Variants in IL1R2 observed in about 807,000 individuals in gnomAD.
IL1R2 encodes the protein interleukin 1 receptor type 2.
In IL1R2, 46 loss-of-function variants were observed where a neutral mutation model predicts 39.5. The ratio of observed to expected loss-of-function variants is 1.16; its 90% CI spans 0.92 to 1.49. The LOEUF (loss-of-function observed/expected upper bound fraction) is 1.49, where lower values mean the gene tolerates loss of function less well. Ranked by LOEUF, IL1R2 falls within the 40% of genes most tolerant of loss-of-function variation. The pLI is 0.00. For missense variants in IL1R2, 537 were observed against 502.0 expected, an observed-to-expected ratio of 1.07 and a Z score of -0.67; for synonymous variants, 207 against 189.6, an observed-to-expected ratio of 1.09 and a Z score of -0.75.
chr2:102,012,457 G>A (rs1676698492), intron 3 of IL1R2, among the ~76,000 whole-genome samples: 1 of 152,170 alleles, frequency 6.6e-6, no homozygotes. Context: ...TTCAGACCAC[G>A]TCATCCCCAG....
chr2:102,013,499 A>T (rs1404570933), intron 3 of IL1R2, among the ~76,000 whole-genome samples: 1 of 143,222 alleles, frequency 7.0e-6, no homozygotes, highest in Non-Finnish European at 1.5e-5. Context: ...TGCTCTGCAA[A>T]TAAATGCCTT....
At chr2:102,004,681 T>C (rs1355517105) in intron 1 of IL1R2, among the ~76,000 whole-genome samples, 2 of 152,228 alleles carry the variant, frequency 1.3e-5, no homozygotes, top group African/African-American at 4.8e-5. Flanking sequence ...TCTGCAAAAC[T>C]AATTTGTTTT....
In IL1R2 at chr2:102,009,712, ACT is replaced by A; in HGVS notation, c.221_222del (p.Ser74CysfsTer2). 1.7e-5 allele frequency: 27 copies of A among 1,614,022 alleles called. No homozygotes were observed. The highest frequency in any genetic ancestry group is 2.3e-5 in the Non-Finnish European group (27 of 1,179,998). ...ATCAACCTGACATGGCATAAAAATG[ACT>A]CTGCTAGGACGGTCCCAGGAGAAGA... On this transcript the variant is annotated frameshift_variant, in exon 3 of 9. Transcript: ENST00000332549. LOFTEE classifies it high-confidence loss of function.
chr2:102,002,439 C>T (rs1243935552), intron 1 of IL1R2, among the ~76,000 whole-genome samples: 2 of 110,342 alleles, frequency 1.8e-5, no homozygotes, highest in Non-Finnish European at 3.6e-5. Flanking sequence ...ACTTTGTCCC[C>T]TATCTGTGTC....
intron 1 of IL1R2, among the ~76,000 whole-genome samples, chr2:101,992,544 G>A (rs1675396619): frequency 1.3e-5 from 2 of 151,092 alleles, no homozygotes; most frequent in African/African-American, 4.9e-5. Context: ...GAGAGAGACA[G>A]AGAGAGGCAG....
intron 3 of IL1R2, among the ~76,000 whole-genome samples, chr2:102,011,311 A>G (rs1676615918): frequency 6.6e-6 from 1 of 152,224 alleles, no homozygotes; most frequent in African/African-American, 2.4e-5. Context: ...AGGAACTATC[A>G]TACTGTTTTC....
At chr2:102,019,954 A>G (rs1677263821) in intron 5 of IL1R2, 142 bp downstream of exon 5, 3 of 677,612 alleles carry the variant, frequency 4.4e-6, no homozygotes, top group Admixed American at 3.0e-5. Flanking sequence ...CTCCTGAAGC[A>G]TCAGGTTAAT....
At chr2:102,026,698 G>A (rs1009352590) in intron 8 of IL1R2, among the ~76,000 whole-genome samples, 9 of 152,132 alleles carry the variant, frequency 5.9e-5, no homozygotes, top group African/African-American at 1.4e-4. Flanking sequence ...TTATATGACC[G>A]GAAATAGGTA....
intron 3 of IL1R2, among the ~76,000 whole-genome samples, chr2:102,014,811 TAA>T (rs1676886029): frequency 6.6e-6 from 1 of 151,798 alleles, no homozygotes; most frequent in African/African-American, 2.4e-5. Context: ...TTTTTCTACT[TAA>T]AAGAGTAGTT....
At chr2:102,006,598 A>T (rs759958942) in intron 1 of IL1R2, among the ~76,000 whole-genome samples, 2 of 152,170 alleles carry the variant, frequency 1.3e-5, no homozygotes, top group Non-Finnish European at 2.9e-5. Context: ...TCAAGGTAAA[A>T]GTGGCTGGGA....
intron 3 of IL1R2, among the ~76,000 whole-genome samples, chr2:102,014,187 T>C (rs1046554784): frequency 2.0e-5 from 3 of 152,248 alleles, no homozygotes; most frequent in Non-Finnish European, 4.4e-5. Flanking sequence ...ATTTATGGGT[T>C]TTCCCAGAGC....
chr2:102,013,924 A>G (rs3218885), intron 3 of IL1R2, among the ~76,000 whole-genome samples: 25,572 of 152,074 alleles, frequency 0.17, 2,556 homozygotes, highest in East Asian at 0.29. Context: ...TGCTCAGAAT[A>G]GGGAGAACTG....
intron 4 of IL1R2, among the ~76,000 whole-genome samples, chr2:102,018,766 C>T (rs913056864): frequency 2.6e-5 from 4 of 152,148 alleles, no homozygotes; most frequent in Non-Finnish European, 5.9e-5. Flanking sequence ...GGCCAGTTCC[C>T]ATACACCACT....
At chr2:102,019,575 A>G in intron 4 of IL1R2, 63 bp from the exon 5 acceptor site, 2 of 1,136,870 alleles carry the variant, frequency 1.8e-6, no homozygotes, top group Non-Finnish European at 2.5e-6. Context: ...ATGATGATGT[A>G]ATTCATAGCC....
intron 1 of IL1R2, among the ~76,000 whole-genome samples, chr2:102,006,817 T>G (rs376998391): frequency 9.2e-5 from 14 of 152,186 alleles, no homozygotes; most frequent in South Asian, 6.2e-4. Flanking sequence ...GATGGCCGGG[T>G]GGGGCATTGA....
intron 1 of IL1R2, chr2:102,001,870 C>T (rs1675877934): frequency 6.6e-6 from 1 of 152,120 alleles, no homozygotes; most frequent in African/African-American, 2.4e-5. Context: ...CCTAGGAATT[C>T]ATTTTACACA....
chr2:102,006,004 G>C (rs4850993), intron 1 of IL1R2, among the ~76,000 whole-genome samples: 96,463 of 152,190 alleles, frequency 0.63, 32,006 homozygotes, highest in African/African-American at 0.82. Flanking sequence ...ATGATACTCA[G>C]TTTGTGGGGA....
intron 6 of IL1R2, chr2:102,023,245 G>A (rs1043723450): frequency 6.6e-6 from 1 of 152,268 alleles, no homozygotes; most frequent in African/African-American, 2.4e-5. Flanking sequence ...CTTTTGTGCA[G>A]TTGCTGGGAC....
At chr2:102,028,179 C>T (rs780403965) in intron 8 of IL1R2, 47 bp from the exon 9 acceptor site, 42 of 1,501,668 alleles carry the variant, frequency 2.8e-5, no homozygotes, top group African/African-American at 1.4e-5. Flanking sequence ...TCCTCTTGTA[C>T]AGTGAGAGAC....
Sources: allele counts gnomAD v4.1 joint callset (sites outside exome capture counted in the v4.1 genomes callset), GRCh38; gene constraint gnomAD v4.1.1; transcripts MANE v1.5; gene names NCBI Gene and HGNC (gene_info 2026-07-23, HGNC 2026-07-21).